GALNT2: variants seen among roughly 807,000 people sequenced by gnomAD.
GALNT2 encodes the protein polypeptide N-acetylgalactosaminyltransferase 2, also known as UDP-GalNAc:polypeptide N-acetylgalactosaminyltransferase 2.
A neutral mutation model predicts 81.4 loss-of-function variants in GALNT2; 31 were observed. That is an observed-to-expected ratio of 0.38 (90% CI 0.29 to 0.51). The LOEUF (loss-of-function observed/expected upper bound fraction) is 0.51. Ranked by LOEUF, GALNT2 falls within the 20% of genes least tolerant of loss-of-function variation. GALNT2 has a pLI of 0.87. For missense variants in GALNT2, 629 were observed against 765.7 expected, an observed-to-expected ratio of 0.82 and a Z score of 2.11; for synonymous variants, 303 against 287.4, an observed-to-expected ratio of 1.05 and a Z score of -0.55.
At chr1:230,269,188 CT>C (rs397972608) in intron 14 of GALNT2, among the ~76,000 whole-genome samples, 6,541 of 105,602 alleles carry the variant, frequency 0.062, 151 homozygotes, top group Non-Finnish European at 0.069. Context: ...GTTGCCCAGG[CT>C]TTTTTTTTTT....
chr1:230,063,308 CAA>C (rs764050799), upstream of GALNT2, among the ~76,000 whole-genome samples: 26 of 88,984 alleles, frequency 2.9e-4, no homozygotes, highest in Non-Finnish European at 2.9e-4. Context: ...AAGTGTCCAC[CAA>C]AAAAAAAAAA....
intron 11 of GALNT2, among the ~76,000 whole-genome samples, chr1:230,256,995 T>G (rs375492767): frequency 3.9e-5 from 6 of 152,130 alleles, no homozygotes; most frequent in African/African-American, 1.4e-4. Flanking sequence ...TCAGACTACC[T>G]GCAGGAGGAG....
intron 1 of GALNT2, among the ~76,000 whole-genome samples, chr1:230,125,704 A>G (rs1661153087): frequency 6.6e-6 from 1 of 152,102 alleles, no homozygotes. Context: ...CTGTTAAGGT[A>G]GGAAGGAGAA....
At chr1:230,230,981 A>G (rs1447958941) in intron 3 of GALNT2, among the ~76,000 whole-genome samples, 1 of 152,040 alleles carries the variant, frequency 6.6e-6, no homozygotes, top group Non-Finnish European at 1.5e-5. Flanking sequence ...TTATTTAAAT[A>G]TGTTTCCTCA....
At chr1:230,213,232 G>A (rs1397516430) in intron 3 of GALNT2, among the ~76,000 whole-genome samples, 1 of 152,216 alleles carries the variant, frequency 6.6e-6, no homozygotes, top group Non-Finnish European at 1.5e-5. Flanking sequence ...TAGTCTTCCC[G>A]GAGAGGCAGA....
At chr1:230,215,866 G>A (rs1353454448) in intron 3 of GALNT2, among the ~76,000 whole-genome samples, 1 of 152,142 alleles carries the variant, frequency 6.6e-6, no homozygotes, top group Non-Finnish European at 1.5e-5. Context: ...AGTGACTAGT[G>A]GCTTGTATAT....
At chr1:230,108,939 G>A (rs1009332085) in intron 1 of GALNT2, among the ~76,000 whole-genome samples, 1 of 123,236 alleles carries the variant, frequency 8.1e-6, no homozygotes, top group Middle Eastern at 4.6e-3. Context: ...CGTGAAGTCA[G>A]AATTGTTAAG....
At chr1:230,149,711 T>A (rs973154152) in intron 1 of GALNT2, among the ~76,000 whole-genome samples, 7 of 152,188 alleles carry the variant, frequency 4.6e-5, no homozygotes, top group Non-Finnish European at 8.8e-5. Flanking sequence ...CATGTAAATA[T>A]AAACAGATAC....
intron 2 of GALNT2, among the ~76,000 whole-genome samples, chr1:230,196,338 TCTC>T (rs1170063857): frequency 1.3e-5 from 2 of 152,156 alleles, no homozygotes; most frequent in African/African-American, 2.4e-5. Flanking sequence ...AGCTATCCCA[TCTC>T]CTCCTCACTT....
intron 1 of GALNT2, among the ~76,000 whole-genome samples, chr1:230,155,830 C>T (rs761965010): frequency 1.3e-5 from 2 of 152,164 alleles, no homozygotes; most frequent in African/African-American, 2.4e-5. Context: ...AGACATTCGG[C>T]GTCAACCTCC....
At chr1:230,236,871 C>A in intron 6 of GALNT2, 146 bp downstream of exon 6, 2 of 642,176 alleles carry the variant, frequency 3.1e-6, no homozygotes, top group Non-Finnish European at 5.2e-6. Flanking sequence ...AGACTTCTCC[C>A]AGCAAACACA....
chr1:230,213,196 G>A (rs1007782878), intron 3 of GALNT2, among the ~76,000 whole-genome samples: 10 of 152,204 alleles, frequency 6.6e-5, no homozygotes, highest in Non-Finnish European at 8.8e-5. Flanking sequence ...ATGACCATGA[G>A]GATCGTCTTT....
At chr1:230,251,543 G>A (rs1665545409) in intron 10 of GALNT2, among the ~76,000 whole-genome samples, 1 of 152,124 alleles carries the variant, frequency 6.6e-6, no homozygotes, top group Non-Finnish European at 1.5e-5. Context: ...CTGCACGGGT[G>A]GAGAGACCGT....
intron 1 of GALNT2, among the ~76,000 whole-genome samples, chr1:230,075,700 C>T (rs956428568): frequency 3.3e-5 from 5 of 152,122 alleles, no homozygotes; most frequent in African/African-American, 4.8e-5. Context: ...CTGCGGGGAG[C>T]CAGACAGTAG....
chr1:230,112,793 A>AGG (rs1248184742), intron 1 of GALNT2, among the ~76,000 whole-genome samples: 1 of 10,490 alleles, frequency 9.5e-5, no homozygotes, highest in Admixed American at 9.5e-4. Context: ...TGTGTGTGGC[A>AGG]GGGGGGTGGG....
chr1:230,273,602 G>A (rs953697999), intron 14 of GALNT2, among the ~76,000 whole-genome samples: 1 of 152,186 alleles, frequency 6.6e-6, no homozygotes, highest in Non-Finnish European at 1.5e-5. Flanking sequence ...TCTGCCACCT[G>A]GGACCATGTC....
In GALNT2 at chr1:230,281,074, C is replaced by T. The variant is rs1267941201; in HGVS notation, c.*1616C>T. ...GAAAAGCGTCAGTTAGGCACACCTG[C>T]AGGCCCCTCGGTGGGACAGCGGCGG... On this transcript the variant is annotated 3_prime_UTR_variant, in exon 16 of 16. Coordinates refer to ENST00000366672, the MANE Select transcript of GALNT2 (RefSeq NM_004481.5). 6.6e-6 allele frequency: 1 copy of T among 152,344 alleles called. No individual in the cohort carries two copies. The highest frequency in any genetic ancestry group is 2.4e-5 in the African/African-American group (1 of 41,470). The allele number at this position is 152,344 out of a possible 1,614,324, so 9.4% of individuals were successfully genotyped here.
chr1:230,151,851 G>A (rs1388054439), intron 1 of GALNT2, among the ~76,000 whole-genome samples: 2 of 152,204 alleles, frequency 1.3e-5, no homozygotes, highest in Non-Finnish European at 2.9e-5. Flanking sequence ...GCTGCTGGTC[G>A]CCCATTTCTA....
At chr1:230,143,381 A>G (rs149817458) in intron 1 of GALNT2, among the ~76,000 whole-genome samples, 221 of 152,324 alleles carry the variant, frequency 1.5e-3, no homozygotes, top group Non-Finnish European at 5.0e-4. Context: ...GCAGAACTGG[A>G]GACATTCGAG....
Sources: allele counts gnomAD v4.1 joint callset (sites outside exome capture counted in the v4.1 genomes callset), GRCh38; gene constraint gnomAD v4.1.1; transcripts MANE v1.5; gene names NCBI Gene and HGNC (gene_info 2026-07-23, HGNC 2026-07-21).